Variants in ANKRD30BL observed in about 807,000 individuals in gnomAD.
ANKRD30BL encodes ankyrin repeat domain 30B like, also known as putative ankyrin repeat domain-containing protein 30B-like.
In ANKRD30BL, 20 loss-of-function variants were observed where a neutral mutation model predicts 18.4. That is an observed-to-expected ratio of 1.09 (90% confidence interval 0.77 to 1.58). The LOEUF is 1.58. Among genes scored for constraint, ANKRD30BL ranks in the 40% most tolerant of loss-of-function variants. ANKRD30BL has a pLI of 0.00. For synonymous variants in ANKRD30BL, 72 were observed against 100.9 expected (o/e 0.71, Z 1.72); for missense variants, 224 against 268.6 (o/e 0.83, Z 1.16).
intron 1 of ANKRD30BL, among the ~76,000 whole-genome samples, chr2:132,246,311 T>C (rs148922290): frequency 2.0e-5 from 3 of 151,950 alleles, no homozygotes; most frequent in African/African-American, 7.2e-5. Context: ...CCATAAAAAC[T>C]AGACAGAAGA....
At chr2:132,247,525 G>A (rs557307685) in intron 1 of ANKRD30BL, among the ~76,000 whole-genome samples, 363 of 151,898 alleles carry the variant, frequency 2.4e-3, no homozygotes, top group Admixed American at 4.5e-3. Context: ...GTTCAAATCC[G>A]TGTGATGAAT....
intron 1 of ANKRD30BL, among the ~76,000 whole-genome samples, chr2:132,192,229 AG>A (rs1350170812): frequency 6.6e-6 from 1 of 152,222 alleles, no homozygotes; most frequent in Admixed American, 6.5e-5. Flanking sequence ...GGAAGACCAC[AG>A]GGTTTGAAGA....
At chr2:132,253,029 A>C (rs796657685) in intron 1 of ANKRD30BL, 2 of 151,808 alleles carry the variant, frequency 1.3e-5, no homozygotes, top group Non-Finnish European at 2.9e-5. Context: ...CGGGCACAGC[A>C]GGATAGGAGG....
chr2:132,256,092 T>G, intron 1 of ANKRD30BL, among the ~76,000 whole-genome samples: 1 of 152,216 alleles, frequency 6.6e-6, no homozygotes, highest in East Asian at 1.9e-4. Context: ...CCATAACTGA[T>G]TTAATGAGCC....
chr2:132,257,781 T>G (rs796734057), exon 1 of ANKRD30BL: 7 of 153,464 alleles, frequency 4.6e-5, no homozygotes, highest in Admixed American at 2.6e-4. Flanking sequence ...AAAATCTGCG[T>G]GCGGCAACCT....
At chr2:132,214,207 G>A (rs1476278745) in intron 1 of ANKRD30BL, among the ~76,000 whole-genome samples, 1 of 151,860 alleles carries the variant, frequency 6.6e-6, no homozygotes, top group African/African-American at 2.4e-5. Flanking sequence ...TTTGCGATTG[G>A]TGTATTCATG....
intron 1 of ANKRD30BL, among the ~76,000 whole-genome samples, chr2:132,232,773 C>T (rs886392826): frequency 6.6e-6 from 1 of 152,054 alleles, no homozygotes; most frequent in South Asian, 2.1e-4. Context: ...AGGATATTAC[C>T]CAGGAGAACT....
At chr2:132,236,601 C>T (rs1680157671) in intron 1 of ANKRD30BL, among the ~76,000 whole-genome samples, 1 of 152,180 alleles carries the variant, frequency 6.6e-6, no homozygotes, top group Non-Finnish European at 1.5e-5. Flanking sequence ...GTTAGAATGG[C>T]AATCATTAAA....
intron 1 of ANKRD30BL, among the ~76,000 whole-genome samples, chr2:132,160,992 G>C (rs1688041401): frequency 6.8e-6 from 1 of 147,274 alleles, no homozygotes; most frequent in African/African-American, 2.5e-5. Flanking sequence ...CCTCAGCAAA[G>C]AATATATTTA....
intron 1 of ANKRD30BL, among the ~76,000 whole-genome samples, chr2:132,229,013 C>T (rs1164109832): frequency 6.6e-6 from 1 of 151,816 alleles, no homozygotes; most frequent in Non-Finnish European, 1.5e-5. Context: ...CGGATTGAAA[C>T]CTTTCTTTTG....
intron 1 of ANKRD30BL, among the ~76,000 whole-genome samples, chr2:132,240,466 G>A (rs1680285069): frequency 6.6e-6 from 1 of 151,764 alleles, no homozygotes; most frequent in Non-Finnish European, 1.5e-5. Flanking sequence ...ACGCTTTGAG[G>A]CCCATGGTGA....
chr2:132,195,960 T>A (rs751425450), intron 1 of ANKRD30BL, among the ~76,000 whole-genome samples: 93 of 150,500 alleles, frequency 6.2e-4, no homozygotes, highest in Non-Finnish European at 3.8e-4. Flanking sequence ...GCTAACACAG[T>A]GAAACCCTCT....
chr2:132,250,088 C>A (rs1009903456), intron 1 of ANKRD30BL, among the ~76,000 whole-genome samples: 1 of 151,854 alleles, frequency 6.6e-6, no homozygotes, highest in Admixed American at 6.6e-5. Context: ...AATGGTTTAA[C>A]TCTGTGAGAT....
intron 1 of ANKRD30BL, among the ~76,000 whole-genome samples, chr2:132,242,971 G>A (rs111262801): frequency 1.4e-3 from 205 of 151,796 alleles, no homozygotes; most frequent in African/African-American, 4.7e-3. Context: ...CTTTGGTACA[G>A]CAGTTTTGAA....
intron 3 of ANKRD30BL, chr2:132,156,104 C>T (rs1687896774): frequency 6.6e-6 from 1 of 151,798 alleles, no homozygotes; most frequent in Non-Finnish European, 1.5e-5. Context: ...AAAGTTCTAA[C>T]TCATGTATGT....
At chr2:132,163,467 C>T (rs1482740972), upstream of ANKRD30BL, among the ~76,000 whole-genome samples, 3 of 152,086 alleles carry the variant, frequency 2.0e-5, no homozygotes, top group Admixed American at 1.3e-4. Flanking sequence ...TTGACCTTTT[C>T]AGTCTTCTGG....
At chr2:132,172,022 T>A (rs1688292637) in intron 1 of ANKRD30BL, among the ~76,000 whole-genome samples, 1 of 152,252 alleles carries the variant, frequency 6.6e-6, no homozygotes, top group Non-Finnish European at 1.5e-5. Flanking sequence ...TATGTTGTAG[T>A]CATTGAAATT....
intron 1 of ANKRD30BL, among the ~76,000 whole-genome samples, chr2:132,221,530 G>A (rs1429332010): frequency 3.3e-4 from 44 of 131,644 alleles, no homozygotes; most frequent in Admixed American, 5.6e-4. Flanking sequence ...CAGCCACCCC[G>A]TCCGGGAGGG....
chr2:132,147,598 A>G lies in ANKRD30BL; in HGVS notation c.*533T>C, dbSNP rs2104911197. ...CAGCACTCCAGCAACAAGTTTTTAC[A>G]GCAAGGCAAATTTACTTCTATGGAA... On this transcript the variant is annotated 3_prime_UTR_variant, in exon 6 of 6. Coordinates refer to ENST00000409867, the MANE Select transcript of ANKRD30BL (RefSeq NM_001358416.1). The G allele has an allele frequency of 6.5e-6, 1 of 153,086 alleles. No homozygotes were observed. Among genetic ancestry groups the G allele is most frequent in the Admixed American group, 6.5e-5 (1 of 15,464 alleles). The allele number at this position is 153,086 out of a possible 1,614,324, so 9.5% of individuals were successfully genotyped here.
Sources: allele counts gnomAD v4.1 joint callset (sites outside exome capture counted in the v4.1 genomes callset), GRCh38; gene constraint gnomAD v4.1.1; transcripts MANE v1.5; gene names NCBI Gene and HGNC (gene_info 2026-07-23, HGNC 2026-07-21).